The following SIDT1 variants were observed in gnomAD, a reference collection of about 807,000 sequenced individuals.
SIDT1 encodes SID1 transmembrane family, member 1.
A neutral mutation model predicts 107.5 loss-of-function variants in SIDT1; 101 were observed. That is an observed-to-expected ratio of 0.94 (90% CI 0.80 to 1.11). The LOEUF (loss-of-function observed/expected upper bound fraction) is 1.11, where lower values mean the gene tolerates loss of function less well. Ranked by LOEUF, SIDT1 falls within the 50% of genes least tolerant of loss-of-function variation. The pLI is 0.00. For synonymous variants in SIDT1, 395 were observed against 398.2 expected (o/e 0.99, Z 0.10); for missense variants, 1,076 against 1,058.2 (o/e 1.02, Z -0.23).
intron 9 of SIDT1, among the ~76,000 whole-genome samples, chr3:113,589,439 G>T (rs1443460252): frequency 2.0e-5 from 3 of 151,272 alleles, no homozygotes; most frequent in Admixed American, 2.0e-4. Context: ...TTGCTTTCCA[G>T]TCAATTGTTA....
At chr3:113,598,502 ATG>A (rs1944732444) in intron 10 of SIDT1, among the ~76,000 whole-genome samples, 1 of 152,214 alleles carries the variant, frequency 6.6e-6, no homozygotes, top group Non-Finnish European at 1.5e-5. Context: ...AAAATGCACT[ATG>A]TGCACGTAAC....
At chr3:113,555,570 T>C (rs1940758819) in intron 1 of SIDT1, among the ~76,000 whole-genome samples, 3 of 152,222 alleles carry the variant, frequency 2.0e-5, no homozygotes, top group Admixed American at 6.5e-5. Flanking sequence ...TATTTTAATA[T>C]AAAATCTAGA....
Position 113,608,298 on chromosome 3 carries a change from G to T in SIDT1, c.1602+81G>T. 4 of 1,549,102 alleles carry T rather than the reference G, an allele frequency of 2.6e-6. No individual in the cohort carries two copies. In the South Asian group the frequency reaches 3.7e-5, roughly 14 times the overall value. The stretch of plus-strand genomic sequence containing the variant: ...AAAGGGGTGGGACATCTGGCTTAAT[G>T]GTGTGATGATTTATTATGTGTAATA... On this transcript the variant is annotated intron_variant, in intron 16 of 24. Coordinates refer to ENST00000264852, the MANE Select transcript of SIDT1 (RefSeq NM_017699.3).
chr3:113,580,994 T>C (rs1943286203), intron 5 of SIDT1, among the ~76,000 whole-genome samples: 3 of 152,152 alleles, frequency 2.0e-5, no homozygotes, highest in African/African-American at 4.8e-5. Context: ...GAAGACCAAG[T>C]TGTGGGCTCC....
chr3:113,626,487 G>A (rs1946859091), intron 24 of SIDT1, among the ~76,000 whole-genome samples: 1 of 152,074 alleles, frequency 6.6e-6, no homozygotes, highest in Non-Finnish European at 1.5e-5. Flanking sequence ...TTCTGAATTG[G>A]TTATTAGACC....
rs78104077 is a variant in SIDT1, at chr3:113,624,787, A to G, written c.2307+1054A>G. 9.5e-4 allele frequency among the ~76,000 whole-genome samples: 145 copies of G among 152,230 alleles called. 4 individuals carry two copies. In the East Asian group the frequency reaches 0.027, roughly 28 times the overall value. The stretch of plus-strand genomic sequence containing the variant: ...TGCCTCATATGAGTGAGAACATGCA[A>G]TATTTGTCATTTTGTGCTTCACTTA... On this transcript the variant is annotated intron_variant, in intron 23 of 24. Coordinates refer to ENST00000264852, the MANE Select transcript of SIDT1 (RefSeq NM_017699.3).
At chr3:113,603,257 C>A in intron 12 of SIDT1, 107 bp downstream of exon 12, 1 of 1,145,190 alleles carries the variant, frequency 8.7e-7, no homozygotes, top group Non-Finnish European at 1.2e-6. Flanking sequence ...TCAGGGAAAC[C>A]CAAATTTCCC....
intron 21 of SIDT1, among the ~76,000 whole-genome samples, chr3:113,621,524 A>G (rs747871802): frequency 1.6e-4 from 24 of 152,204 alleles, no homozygotes; most frequent in Non-Finnish European, 3.2e-4. Context: ...TACACTTTAA[A>G]TACTTAGGAA....
intron 21 of SIDT1, among the ~76,000 whole-genome samples, chr3:113,620,298 T>C (rs1256669440): frequency 6.6e-6 from 1 of 151,872 alleles, no homozygotes; most frequent in Non-Finnish European, 1.5e-5. Context: ...TCTTTCCCCA[T>C]GGCCTTTGTT....
rs376747562 is a variant in SIDT1, at chr3:113,581,494, A to G, written c.747+50A>G. ...TATTGCCAATGGTAATGCTCAATAGATAGTGTACTTACTGGGCCAGCATCC... is the reference window on the plus strand; with the variant it reads ...TATTGCCAATGGTAATGCTCAATAGGTAGTGTACTTACTGGGCCAGCATCC... On this transcript the variant is annotated intron_variant, in intron 6 of 24. Coordinates refer to ENST00000264852, the MANE Select transcript of SIDT1 (RefSeq NM_017699.3). 53 of 1,427,248 alleles carry G rather than the reference A, an allele frequency of 3.7e-5. No homozygotes were observed. The African/African-American group carries it at 7.0e-4, about 19-fold the overall frequency. 88.4% of individuals were successfully genotyped at this position (1,427,248 alleles called of 1,614,324 possible). A position where few individuals can be genotyped will look rare whatever the true frequency, so the allele number is the denominator to read the frequency against.
rs1203357621 is a variant in SIDT1, at chr3:113,576,918, T to G, written c.516-4T>G. 1.2e-6 allele frequency: 2 copies of G among 1,614,036 alleles called. No homozygotes were observed. Among genetic ancestry groups the G allele is most frequent in the East Asian group, 4.5e-5 (2 of 44,904 alleles). On this transcript the variant is annotated splice_polypyrimidine_tract_variant and splice_region_variant and intron_variant, in intron 3 of 24. Coordinates refer to ENST00000264852, the MANE Select transcript of SIDT1 (RefSeq NM_017699.3). ...CTTTCCCTTCTGCCACTTACGTTTC[T>G]CAGGACAAATGTTGCCTTTCACTTT...
intron 5 of SIDT1, 44 bp from the exon 6 acceptor site, chr3:113,581,317 G>A (rs1489345114): frequency 6.7e-7 from 1 of 1,484,382 alleles, no homozygotes; most frequent in African/African-American, 1.4e-5. Flanking sequence ...GACATTGCAT[G>A]ACATTATGGA....
intron 9 of SIDT1, among the ~76,000 whole-genome samples, chr3:113,589,293 C>A (rs1943967989): frequency 6.6e-6 from 1 of 152,160 alleles, no homozygotes; most frequent in Non-Finnish European, 1.5e-5. Flanking sequence ...TACCACCTGC[C>A]TTATCCTAGC....
intron 1 of SIDT1, among the ~76,000 whole-genome samples, chr3:113,558,518 A>G (rs1323963256): frequency 6.6e-6 from 1 of 152,238 alleles, no homozygotes; most frequent in Non-Finnish European, 1.5e-5. Context: ...CTCAGAAAGC[A>G]AACAATGTCT....
At chr3:113,541,111 A>AATATATAT (rs10534213) in intron 1 of SIDT1, among the ~76,000 whole-genome samples, 17 of 149,264 alleles carry the variant, frequency 1.1e-4, no homozygotes, top group African/African-American at 3.7e-4. Flanking sequence ...TCTTAGTTCT[A>AATATATAT]ATATATATAT....
intron 22 of SIDT1, 23 bp downstream of exon 22, chr3:113,623,555 G>T (rs774102880): frequency 1.9e-6 from 3 of 1,604,394 alleles, no homozygotes; most frequent in Non-Finnish European, 1.7e-6. Flanking sequence ...GCCGGGAGCG[G>T]CTACCTCGGG....
chr3:113,611,153 C>T lies in SIDT1; in HGVS notation c.1857+9C>T, dbSNP rs1378727231. 1.2e-6 allele frequency: 2 copies of T among 1,612,158 alleles called. No individual in the cohort carries two copies. The highest frequency in any genetic ancestry group is 1.7e-6 in the Non-Finnish European group (2 of 1,178,918). On this transcript the variant is annotated intron_variant, in intron 18 of 24. Transcript: ENST00000264852. ...TCACCGTCCTTGGAGTGGTGCGTCC[C>T]CCACCTTCTTCCACCTGGCTCTCGA...
intron 19 of SIDT1, among the ~76,000 whole-genome samples, chr3:113,614,321 G>A (rs981680830): frequency 5.9e-5 from 9 of 152,198 alleles, no homozygotes; most frequent in Admixed American, 4.6e-4. Context: ...CCAGTGTGGT[G>A]GGTCCCCAGG....
chr3:113,583,416 A>G lies in SIDT1; in HGVS notation c.755A>G (p.Asp252Gly). Reference protein sequence around the residue: ...KKAAITLQKKDFPGEQFFVVF... With the variant: ...KKAAITLQKKGFPGEQFFVVF... ...TTGTTATGTCTTATGCAGAAGAAGG[A>G]TTTTCCAGGCGAGCAGTTCTTCGTG... is the stretch of plus-strand genomic sequence containing the variant. Residue 252 changes from aspartate to glycine, a missense_variant, in exon 7 of 25, where the codon GAT (aspartate) becomes GGT (glycine). Transcript: ENST00000264852. The G allele has an allele frequency of 6.3e-7, 1 of 1,597,926 alleles. No individual in the cohort carries two copies. The highest frequency in any genetic ancestry group is 8.6e-7 in the Non-Finnish European group (1 of 1,168,784).
Sources: allele counts gnomAD v4.1 joint callset (sites outside exome capture counted in the v4.1 genomes callset), GRCh38; gene constraint gnomAD v4.1.1; transcripts MANE v1.5; gene names NCBI Gene and HGNC (gene_info 2026-07-23, HGNC 2026-07-21).